Variants in ST3GAL1 observed in about 807,000 individuals in gnomAD.
ST3GAL1 encodes the protein CMP-N-acetylneuraminate-beta-galactosamide-alpha-2,3-sialyltransferase 1.
In ST3GAL1, 16 loss-of-function variants were observed where a neutral mutation model predicts 34.1. The ratio of observed to expected loss-of-function variants is 0.47; its 90% CI spans 0.32 to 0.71. The LOEUF (loss-of-function observed/expected upper bound fraction) is 0.71, where lower values mean the gene tolerates loss of function less well. ST3GAL1 is among the 30% of genes least tolerant of loss of function. The pLI is 0.04. For synonymous variants in ST3GAL1, 191 were observed against 184.7 expected (o/e 1.03, Z -0.28); for missense variants, 353 against 447.4 (o/e 0.79, Z 1.90).
chr8:133,557,564 T>G (rs1398676826), intron 1 of ST3GAL1, among the ~76,000 whole-genome samples: 1 of 151,924 alleles, frequency 6.6e-6, no homozygotes, highest in Non-Finnish European at 1.5e-5. Flanking sequence ...GGCTGTAAAA[T>G]AAAGAGGCCG....
chr8:133,528,401 T>C (rs1350017776), intron 2 of ST3GAL1, among the ~76,000 whole-genome samples: 1 of 152,232 alleles, frequency 6.6e-6, no homozygotes, highest in East Asian at 1.9e-4. Flanking sequence ...TGTCAGGCAC[T>C]GTGCTAGGCA....
intron 2 of ST3GAL1, among the ~76,000 whole-genome samples, chr8:133,512,897 G>C (rs1464877745): frequency 6.6e-6 from 1 of 152,194 alleles, no homozygotes; most frequent in Non-Finnish European, 1.5e-5. Context: ...GAGGAGCTAA[G>C]AGTAAAATTC....
chr8:133,548,422 G>A lies in ST3GAL1; in HGVS notation c.-581-2496C>T, dbSNP rs568686611. On this transcript the variant is annotated intron_variant, in intron 1 of 9. Coordinates refer to ENST00000522652, the MANE Select transcript of ST3GAL1 (RefSeq NM_173344.3). ...GGGACAAGGCTGGGCACTGCCCCTCGATATTTTCAGTGTTCCCTGCATTCC... is the reference window on the plus strand; with the variant it reads ...GGGACAAGGCTGGGCACTGCCCCTCAATATTTTCAGTGTTCCCTGCATTCC... 7.2e-5 allele frequency among the ~76,000 whole-genome samples: 11 copies of A among 152,226 alleles called. No individual in the cohort carries two copies. The East Asian group carries it at 2.1e-3, about 29-fold the overall frequency.
chr8:133,487,782 A>G (rs553270457), intron 3 of ST3GAL1, among the ~76,000 whole-genome samples: 2 of 152,188 alleles, frequency 1.3e-5, no homozygotes, highest in African/African-American at 4.8e-5. Flanking sequence ...CAGCCCAGAC[A>G]ACATGGTGAA....
chr8:133,461,422 A>C lies in ST3GAL1; in HGVS notation c.849+453T>G, dbSNP rs1393654659. 6.6e-6 allele frequency among the ~76,000 whole-genome samples: 1 copy of C among 152,170 alleles called. No homozygotes were observed. Among genetic ancestry groups the C allele is most frequent in the African/African-American group, 2.4e-5 (1 of 41,436 alleles). ...ATGCTTCTCGAGATCACGGGTTCTC[A>C]ACCTCGGTAGACAGTGGAACCCCTG... On this transcript the variant is annotated intron_variant, in intron 9 of 9. Coordinates refer to ENST00000522652, the MANE Select transcript of ST3GAL1 (RefSeq NM_173344.3). The surrounding 1 kb of genome is among the most constrained non-coding windows in gnomAD (Gnocchi z 4.7).
intron 1 of ST3GAL1, among the ~76,000 whole-genome samples, chr8:133,555,384 T>C (rs1486758340): frequency 6.6e-6 from 1 of 152,088 alleles, no homozygotes; most frequent in Non-Finnish European, 1.5e-5. Flanking sequence ...CATGTGTCGT[T>C]TCTCAGCACC....
At chr8:133,555,188 C>T (rs917025186) in intron 1 of ST3GAL1, among the ~76,000 whole-genome samples, 3 of 152,122 alleles carry the variant, frequency 2.0e-5, no homozygotes, top group African/African-American at 2.4e-5. Context: ...TCTGCCTTTG[C>T]TTTTTCTTCA....
In ST3GAL1 at chr8:133,466,208, G is replaced by T; in HGVS notation, c.307-118C>A. ...GGCCCTCCTGTTCACCCTTCTCTCT[G>T]CTGGGCCCCCGGAGATGGAGGCGGC... is the stretch of plus-strand genomic sequence containing the variant. On this transcript the variant is annotated intron_variant, in intron 5 of 9. Coordinates refer to ENST00000522652, the MANE Select transcript of ST3GAL1 (RefSeq NM_173344.3). This position sits in a 1 kb window ranked among gnomAD's most constrained non-coding sequence, Gnocchi z 4.4. 2 of 1,047,632 alleles carry T rather than the reference G, an allele frequency of 1.9e-6. No homozygotes were observed. Among genetic ancestry groups the T allele is most frequent in the East Asian group, 2.6e-5 (1 of 38,522 alleles). The allele number at this position is 1,047,632 out of a possible 1,614,324, so 64.9% of individuals were successfully genotyped here. A position where few individuals can be genotyped will look rare whatever the true frequency, so the allele number is the denominator to read the frequency against.
At chr8:133,561,108 CTT>C (rs765993286) in intron 1 of ST3GAL1, among the ~76,000 whole-genome samples, 1,489 of 106,174 alleles carry the variant, frequency 0.014, 19 homozygotes, top group African/African-American at 0.049. Flanking sequence ...CCAGAGCCAT[CTT>C]TTTTTTTTTT....
intron 3 of ST3GAL1, among the ~76,000 whole-genome samples, chr8:133,492,886 C>G (rs1246428139): frequency 6.6e-6 from 1 of 152,210 alleles, no homozygotes; most frequent in African/African-American, 2.4e-5. Context: ...CTCAGCCCTA[C>G]TCTGCCCACT....
At chr8:133,532,698 C>A (rs1043500239) in intron 2 of ST3GAL1, among the ~76,000 whole-genome samples, 2 of 152,164 alleles carry the variant, frequency 1.3e-5, no homozygotes, top group Non-Finnish European at 1.5e-5. Context: ...CTCTGCTGTT[C>A]CTCAGTACCG....
intron 3 of ST3GAL1, among the ~76,000 whole-genome samples, chr8:133,478,682 C>T (rs980362362): frequency 6.6e-6 from 1 of 152,224 alleles, no homozygotes; most frequent in Non-Finnish European, 1.5e-5. Flanking sequence ...TACTCATTCT[C>T]TAGGGCTCAG....
In ST3GAL1 at chr8:133,458,316, C is replaced by G. The variant is rs1015621996; in HGVS notation, c.*1448G>C. On this transcript the variant is annotated 3_prime_UTR_variant, in exon 10 of 10. Coordinates refer to ENST00000522652, the MANE Select transcript of ST3GAL1 (RefSeq NM_173344.3). The stretch of plus-strand genomic sequence containing the variant: ...TGTCAGTTGAATAAAAAAAAGAAAT[C>G]AATAAATAATCAGGAAGGCTAATGA... The G allele has an allele frequency of 2.0e-5, 3 of 152,024 alleles. No homozygotes were observed. The highest frequency in any genetic ancestry group is 2.9e-5 in the Non-Finnish European group (2 of 67,994). 9.4% of individuals were successfully genotyped at this position (152,024 alleles called of 1,614,324 possible). A position where few individuals can be genotyped will look rare whatever the true frequency, so the allele number is the denominator to read the frequency against.
intron 2 of ST3GAL1, among the ~76,000 whole-genome samples, chr8:133,537,166 A>G (rs562843956): frequency 2.0e-3 from 305 of 152,300 alleles, no homozygotes; most frequent in South Asian, 6.0e-3. Context: ...GGGCTCACAG[A>G]ACTCAGGAAA....
rs1252080816 is a variant in ST3GAL1 at position 133,570,574 on chromosome 8, A to T, written c.-582+1119T>A. 6.6e-6 allele frequency among the ~76,000 whole-genome samples: 1 copy of T among 151,944 alleles called. No homozygotes were observed. Among genetic ancestry groups the T allele is most frequent in the Admixed American group, 6.5e-5 (1 of 15,272 alleles). On this transcript the variant is annotated intron_variant, in intron 1 of 9. Transcript: ENST00000522652. The surrounding 1 kb of genome is among the most constrained non-coding windows in gnomAD (Gnocchi z 5.6). ...ACGAGCAGAGCCAGACGATCCCCAC[A>T]CGCTTCCTGGGAGACCCGGCTGCAA...
At chr8:133,516,450 C>T (rs1256982871) in intron 2 of ST3GAL1, among the ~76,000 whole-genome samples, 1 of 152,168 alleles carries the variant, frequency 6.6e-6, no homozygotes, top group African/African-American at 2.4e-5. Flanking sequence ...ATGCAGAGAA[C>T]AGACTAATAC....
intron 2 of ST3GAL1, among the ~76,000 whole-genome samples, chr8:133,542,900 GATA>G (rs1479769951): frequency 6.6e-6 from 1 of 151,776 alleles, no homozygotes; most frequent in Non-Finnish European, 1.5e-5. Flanking sequence ...TGGCAACTAT[GATA>G]ATAATAAATC....
intron 2 of ST3GAL1, among the ~76,000 whole-genome samples, chr8:133,538,838 T>C (rs936448155): frequency 4.6e-5 from 7 of 152,278 alleles, no homozygotes; most frequent in African/African-American, 1.7e-4. Flanking sequence ...GTGAGGATGA[T>C]GGGGAGGCAG....
At chr8:133,464,247 T>A (rs560063654) in intron 7 of ST3GAL1, among the ~76,000 whole-genome samples, 2 of 152,178 alleles carry the variant, frequency 1.3e-5, no homozygotes, top group Admixed American at 6.5e-5. Flanking sequence ...ATTGAGATAA[T>A]ATGTGCCGAG....
Sources: allele counts gnomAD v4.1 joint callset (sites outside exome capture counted in the v4.1 genomes callset), GRCh38; gene constraint gnomAD v4.1.1; non-coding constraint Gnocchi (gnomAD v3.1); transcripts MANE v1.5; gene names NCBI Gene and HGNC (gene_info 2026-07-23, HGNC 2026-07-21).